TMEM232: variants seen among roughly 807,000 people sequenced by gnomAD.
TMEM232 encodes the protein transmembrane protein 232.
A neutral mutation model predicts 78.8 loss-of-function variants in TMEM232; 80 were observed. That is an observed-to-expected ratio of 1.01 (90% CI 0.85 to 1.22). The LOEUF (loss-of-function observed/expected upper bound fraction) is 1.22, where lower values mean the gene tolerates loss of function less well. TMEM232 is among the 50% of genes most tolerant of loss of function. The pLI is 0.00. For synonymous variants in TMEM232, 297 were observed against 254.3 expected, an observed-to-expected ratio of 1.17 and a Z score of -1.60; for missense variants, 881 against 742.2, an observed-to-expected ratio of 1.19 and a Z score of -2.17.
chr5:110,596,252 T>A (rs1004054462), intron 10 of TMEM232, among the ~76,000 whole-genome samples: 1 of 152,130 alleles, frequency 6.6e-6, no homozygotes, highest in Admixed American at 6.5e-5. Flanking sequence ...GCAAATAAAC[T>A]AGAAAATCTA....
intron 1 of TMEM232, among the ~76,000 whole-genome samples, chr5:110,697,501 G>T (rs1794935836): frequency 6.6e-6 from 1 of 152,158 alleles, no homozygotes; most frequent in Admixed American, 6.6e-5. Flanking sequence ...TACCATCAGA[G>T]TGAACAGGCA....
At chr5:110,710,084 T>C (rs1457654625) in intron 1 of TMEM232, among the ~76,000 whole-genome samples, 4 of 151,816 alleles carry the variant, frequency 2.6e-5, no homozygotes, top group Non-Finnish European at 5.9e-5. Context: ...AAAGAGACAT[T>C]GCAATAGATA....
chr5:110,676,555 G>C (rs977459058), intron 1 of TMEM232, among the ~76,000 whole-genome samples: 4 of 151,710 alleles, frequency 2.6e-5, no homozygotes, highest in African/African-American at 9.7e-5. Flanking sequence ...ACAGGTGTGA[G>C]CCACCACACC....
At chr5:110,405,439 A>G (rs988902592) in intron 2 of TMEM232, among the ~76,000 whole-genome samples, 1 of 152,060 alleles carries the variant, frequency 6.6e-6, no homozygotes, top group African/African-American at 2.4e-5. Context: ...AAAAAAGTCA[A>G]TATAAATTGA....
chr5:110,696,764 G>T (rs995421861), intron 1 of TMEM232, among the ~76,000 whole-genome samples: 1 of 143,158 alleles, frequency 7.0e-6, no homozygotes, highest in African/African-American at 2.6e-5. Flanking sequence ...ACCTCTTCAA[G>T]GAGAACTACA....
At chr5:110,440,804 G>A (rs1375906618) in intron 12 of TMEM232, among the ~76,000 whole-genome samples, 1 of 152,076 alleles carries the variant, frequency 6.6e-6, no homozygotes, top group Non-Finnish European at 1.5e-5. Context: ...ATGCCATCCT[G>A]ATTTTCAGGC....
At chr5:110,628,752 G>A (rs577468555) in intron 5 of TMEM232, 1 of 150,370 alleles carries the variant, frequency 6.7e-6, no homozygotes, top group East Asian at 2.0e-4. Flanking sequence ...TGATATACAT[G>A]TAAAAATAAA....
chr5:110,628,662 AGTGT>A (rs146531604), intron 5 of TMEM232, among the ~76,000 whole-genome samples: 1,584 of 140,740 alleles, frequency 0.011, 37 homozygotes, highest in Admixed American at 0.057. Flanking sequence ...GTCAGTATCC[AGTGT>A]GTGTGTGTGT....
chr5:110,489,896 C>T (rs183054869), intron 12 of TMEM232, among the ~76,000 whole-genome samples: 48 of 151,840 alleles, frequency 3.2e-4, no homozygotes, highest in Admixed American at 1.1e-3. Flanking sequence ...AAGGCCGAGG[C>T]GGGCGGATCA....
chr5:110,613,924 A>G (rs1276715465), intron 8 of TMEM232, among the ~76,000 whole-genome samples: 1 of 152,112 alleles, frequency 6.6e-6, no homozygotes, highest in Non-Finnish European at 1.5e-5. Flanking sequence ...TATTATTAAC[A>G]GAATAGTTAA....
At chr5:110,707,233 T>C (rs367648629) in intron 1 of TMEM232, among the ~76,000 whole-genome samples, 1 of 152,090 alleles carries the variant, frequency 6.6e-6, no homozygotes, top group East Asian at 1.9e-4. Flanking sequence ...TTCATATTAC[T>C]GAAAGAGGCA....
At chr5:110,394,228 T>C (rs775408667) in intron 3 of TMEM232, among the ~76,000 whole-genome samples, 23 of 152,146 alleles carry the variant, frequency 1.5e-4, no homozygotes, top group Admixed American at 3.9e-4. Context: ...GTTTGGCTTA[T>C]TTCACTTAAC....
chr5:110,735,894 C>T (rs892172243), intron 1 of TMEM232, among the ~76,000 whole-genome samples: 5 of 152,202 alleles, frequency 3.3e-5, no homozygotes, highest in Non-Finnish European at 5.9e-5. Context: ...CCTAATCAAA[C>T]TCAGTCATGT....
chr5:110,653,236 A>G lies in TMEM232; in HGVS notation c.126-10865T>C, dbSNP rs570167981. Among the ~76,000 whole-genome samples, 24 of 152,344 alleles carry G rather than the reference A, an allele frequency of 1.6e-4. No individual in the cohort carries two copies. The South Asian group carries it at 1.7e-3, about 11-fold the overall frequency. The stretch of plus-strand genomic sequence containing the variant: ...TAAAATTCTGTGGGAGTTTAGAAGC[A>G]GAGATCATGATTCCAACACTTCCAT... On this transcript the variant is annotated intron_variant, in intron 2 of 13. Coordinates refer to ENST00000455884, the MANE Select transcript of TMEM232 (RefSeq NM_001039763.4).
intron 3 of TMEM232, among the ~76,000 whole-genome samples, chr5:110,392,473 G>C (rs1358166664): frequency 6.6e-6 from 1 of 152,142 alleles, no homozygotes; most frequent in African/African-American, 2.4e-5. Flanking sequence ...TAGGCTGGCT[G>C]GTTTAAACAA....
At chr5:110,597,804 T>C (rs1223426323) in intron 10 of TMEM232, among the ~76,000 whole-genome samples, 1 of 152,156 alleles carries the variant, frequency 6.6e-6, no homozygotes, top group Non-Finnish European at 1.5e-5. Context: ...GAAAACTGGC[T>C]AGCCATAAGT....
intron 1 of TMEM232, among the ~76,000 whole-genome samples, chr5:110,681,989 T>G (rs183665941): frequency 6.6e-6 from 1 of 152,092 alleles, no homozygotes; most frequent in East Asian, 1.9e-4. Flanking sequence ...ACAACAGAAA[T>G]AAAAAAATAA....
intron 2 of TMEM232, among the ~76,000 whole-genome samples, chr5:110,401,802 T>C (rs75724116): frequency 0.064 from 9,675 of 152,166 alleles, 625 homozygotes; most frequent in East Asian, 0.24. Context: ...AACATTAATA[T>C]TTCTGACTAC....
At chr5:110,662,602 G>T (rs1354697732) in intron 2 of TMEM232, among the ~76,000 whole-genome samples, 1 of 152,116 alleles carries the variant, frequency 6.6e-6, no homozygotes, top group Middle Eastern at 3.4e-3. Context: ...CCAAACCATA[G>T]TAATTAAGGC....
Sources: allele counts gnomAD v4.1 joint callset (sites outside exome capture counted in the v4.1 genomes callset), GRCh38; gene constraint gnomAD v4.1.1; transcripts MANE v1.5; gene names NCBI Gene and HGNC (gene_info 2026-07-23, HGNC 2026-07-21).